The following SBF2 variants were observed in gnomAD, a reference collection of about 807,000 sequenced individuals.
SBF2 encodes SET binding factor 2.
SBF2 carries 112 observed loss-of-function variants against 225.2 expected under a neutral mutation model. The observed-to-expected ratio is 0.50, with a 90% CI of 0.43 to 0.58. The LOEUF (loss-of-function observed/expected upper bound fraction) is 0.58, where lower values mean the gene tolerates loss of function less well. SBF2 is among the 20% of genes least tolerant of loss of function. The probability of loss-of-function intolerance (pLI) is 0.00; values close to 1 mark genes in which losing one functional copy is unlikely to be tolerated. For missense variants in SBF2, 1,996 were observed against 2,206.2 expected (o/e 0.90, Z 1.91); for synonymous variants, 763 against 773.3 (o/e 0.99, Z 0.22).
chr11:10,201,456 G>T (rs1450850201), intron 1 of SBF2, among the ~76,000 whole-genome samples: 2 of 152,194 alleles, frequency 1.3e-5, no homozygotes, highest in Non-Finnish European at 2.9e-5. Context: ...TCACTGAAAA[G>T]AAAGCATGCA....
chr11:9,970,276 G>A (rs573522602), intron 13 of SBF2, among the ~76,000 whole-genome samples: 3 of 151,304 alleles, frequency 2.0e-5, no homozygotes, highest in South Asian at 2.1e-4. Context: ...GCGTGATCTC[G>A]GCTCACTGCA....
intron 2 of SBF2, chr11:10,149,437 A>T (rs144665172): frequency 1.4e-3 from 207 of 152,252 alleles, no homozygotes; most frequent in African/African-American, 4.5e-3. Flanking sequence ...AGTTTCCTAA[A>T]CTCATCTCTT....
intron 19 of SBF2, 29 bp from the exon 20 acceptor site, chr11:9,853,741 T>A: frequency 1.2e-6 from 2 of 1,607,254 alleles, no homozygotes; most frequent in Middle Eastern, 3.3e-4. Flanking sequence ...GAAATCATGG[T>A]CAGTACTTAA....
intron 13 of SBF2, among the ~76,000 whole-genome samples, chr11:9,979,963 T>C (rs1258208637): frequency 6.6e-6 from 1 of 151,764 alleles, no homozygotes; most frequent in Non-Finnish European, 1.5e-5. Flanking sequence ...GGCAGGACTA[T>C]AGGTGTCCAT....
intron 6 of SBF2, among the ~76,000 whole-genome samples, chr11:10,005,228 T>C (rs1362888316): frequency 6.6e-6 from 1 of 152,146 alleles, no homozygotes; most frequent in Non-Finnish European, 1.5e-5. Flanking sequence ...TGGCAGAGTT[T>C]AACTGGTATA....
rs1346153105 is a variant in SBF2, at chr11:10,177,292, T to C, written c.141+16610A>G. Among the ~76,000 whole-genome samples, 642 of 149,114 alleles carry C rather than the reference T, an allele frequency of 4.3e-3. 7 individuals carry two copies. The highest frequency in any genetic ancestry group is 0.015 in the African/African-American group (590 of 40,642). ...TTTGAAAACAGGCACAAGACAGGGATGCCCTCTCTCACCACTCCTATTCAA... is the reference window on the plus strand; with the variant it reads ...TTTGAAAACAGGCACAAGACAGGGACGCCCTCTCTCACCACTCCTATTCAA... On this transcript the variant is annotated intron_variant, in intron 2 of 39. Transcript: ENST00000256190.
chr11:10,047,389 A>T (rs1408418771), intron 2 of SBF2, among the ~76,000 whole-genome samples: 1 of 152,208 alleles, frequency 6.6e-6, no homozygotes, highest in African/African-American at 2.4e-5. Context: ...TATAGTAGAC[A>T]AGACAGTGTG....
In SBF2 at chr11:9,846,997, T is replaced by C; in HGVS notation, c.2893A>G (p.Asn965Asp). The change falls in exon 23 of 40, where the codon AAC becomes GAC. Residue 965 changes from asparagine (N) to aspartate (D), a missense_variant. Transcript: ENST00000256190. Reference sequence around the variant, plus strand: ...GTGATCTGCAGTCCTTCTTGCATGTTCTGCTGTAGCTGGTTCTGCATTGTA... The same window carrying C: ...GTGATCTGCAGTCCTTCTTGCATGTCCTGCTGTAGCTGGTTCTGCATTGTA... The part of the protein sequence containing the change: ...KITMQNQLQQ[N>D]MQEGLQITSA... 1 of 1,613,862 alleles carries C rather than the reference T, an allele frequency of 6.2e-7. No individual in the cohort carries two copies. Among genetic ancestry groups the C allele is most frequent in the Non-Finnish European group, 8.5e-7 (1 of 1,179,726 alleles).
At chr11:10,257,667 A>G (rs1482947510) in intron 1 of SBF2, among the ~76,000 whole-genome samples, 2 of 145,012 alleles carry the variant, frequency 1.4e-5, no homozygotes, top group Non-Finnish European at 3.1e-5. Context: ...CTTGCCTCAA[A>G]AAAAAAAAAA....
chr11:9,788,553 T>C, intron 35 of SBF2, among the ~76,000 whole-genome samples: 1 of 151,782 alleles, frequency 6.6e-6, no homozygotes, highest in Non-Finnish European at 1.5e-5. Context: ...AATTGCTCTA[T>C]TTGCTTGATT....
In SBF2 at chr11:9,880,084, T is replaced by TTAAA. The variant is rs1859622248; in HGVS notation, c.1929+15858_1929+15859insTTTA. 1.3e-4 allele frequency among the ~76,000 whole-genome samples: 7 copies of TTAAA among 51,992 alleles called. No homozygotes were observed. The Admixed American group carries it at 1.4e-3, about 10-fold the overall frequency. 34.1% of individuals were successfully genotyped at this position (51,992 alleles called of 152,430 possible). A position where few individuals can be genotyped will look rare whatever the true frequency, so the allele number is the denominator to read the frequency against. Reference sequence around the variant, plus strand: ...GGACAATGAGTGAGACTCTGTCTCATAAAAAAAAAAAAAAAAAAAAAAAAA... The same window carrying TTAAA: ...GGACAATGAGTGAGACTCTGTCTCATTAAAAAAAAAAAAAAAAAAAAAAAAAAAA... On this transcript the variant is annotated intron_variant, in intron 17 of 39. Transcript: ENST00000256190.
At chr11:10,043,341 G>A (rs1197429581) in intron 2 of SBF2, among the ~76,000 whole-genome samples, 3 of 151,972 alleles carry the variant, frequency 2.0e-5, no homozygotes, top group Non-Finnish European at 4.4e-5. Flanking sequence ...TATCATTGAG[G>A]GAAAATAGAA....
At position 9,987,610 on chromosome 11, in the gene SBF2, T is replaced by C. The variant is rs537732955; in HGVS notation, c.1395+1887A>G. ...ATTAATGTACACAAATCAGAAGCTC[T>C]TCAATAAACCAACAGCGACCAAGCA... is the stretch of plus-strand genomic sequence containing the variant. On this transcript the variant is annotated intron_variant, in intron 13 of 39. Coordinates refer to ENST00000256190, the MANE Select transcript of SBF2 (RefSeq NM_030962.4). Among the ~76,000 whole-genome samples, 5 of 152,224 alleles carry C rather than the reference T, an allele frequency of 3.3e-5. No homozygotes were observed. The South Asian group carries it at 1.0e-3, about 32-fold the overall frequency.
rs566095855 is a variant in SBF2, at chr11:10,276,406, A to G, written c.55+17609T>C. Reference sequence around the variant, plus strand: ...GTTGGCCTAGTAAAATAGTTGGAAAAAAAACTGTTTTGGCTGCTCTAATAT... The same window carrying G: ...GTTGGCCTAGTAAAATAGTTGGAAAGAAAACTGTTTTGGCTGCTCTAATAT... On this transcript the variant is annotated intron_variant, in intron 1 of 39. Coordinates refer to ENST00000256190, the MANE Select transcript of SBF2 (RefSeq NM_030962.4). Among the ~76,000 whole-genome samples, 5 of 152,322 alleles carry G rather than the reference A, an allele frequency of 3.3e-5. No homozygotes were observed. The South Asian group carries it at 1.0e-3, about 32-fold the overall frequency.
intron 1 of SBF2, among the ~76,000 whole-genome samples, chr11:10,236,561 G>A (rs1206359753): frequency 6.6e-6 from 1 of 152,160 alleles, no homozygotes; most frequent in Non-Finnish European, 1.5e-5. Context: ...CTGGGTTCAA[G>A]CAATTCTCCT....
At chr11:10,027,926 T>C (rs1949109095) in intron 6 of SBF2, among the ~76,000 whole-genome samples, 1 of 152,160 alleles carries the variant, frequency 6.6e-6, no homozygotes, top group Admixed American at 6.5e-5. Flanking sequence ...TCTTTTAGCA[T>C]AAAGAAAATA....
At chr11:10,138,181 A>C (rs1954472980) in intron 2 of SBF2, among the ~76,000 whole-genome samples, 1 of 152,116 alleles carries the variant, frequency 6.6e-6, no homozygotes, top group Non-Finnish European at 1.5e-5. Context: ...GAATTATTCA[A>C]ATTATCTATT....
At chr11:10,013,791 A>G (rs900278585) in intron 6 of SBF2, among the ~76,000 whole-genome samples, 6 of 152,190 alleles carry the variant, frequency 3.9e-5, no homozygotes, top group Non-Finnish European at 8.8e-5. Context: ...TACTATAATG[A>G]TTATAATTTT....
intron 13 of SBF2, among the ~76,000 whole-genome samples, chr11:9,974,659 A>C (rs1169480467): frequency 1.3e-5 from 2 of 150,930 alleles, no homozygotes; most frequent in Non-Finnish European, 1.5e-5. Context: ...ACCGCCCAAA[A>C]AAAAAAAAAA....
Sources: gnomAD v4.1 joint callset for allele counts (sites outside exome capture counted in the v4.1 genomes callset) on GRCh38, gnomAD v4.1.1 for gene constraint, MANE v1.5 for transcripts, NCBI Gene and HGNC (gene_info 2026-07-23, HGNC 2026-07-21) for gene names.